The following TSHR variants were observed in gnomAD, a reference collection of about 807,000 sequenced individuals.
TSHR encodes the protein thyrotropin receptor.
A neutral mutation model predicts 64.1 loss-of-function variants in TSHR; 51 were observed. The observed-to-expected ratio is 0.80, with a 90% CI of 0.64 to 1.01. The LOEUF (loss-of-function observed/expected upper bound fraction) is 1.01, where lower values mean the gene tolerates loss of function less well. Among genes scored for constraint, TSHR ranks in the 50% least tolerant of loss-of-function variants. The pLI is 0.00. For missense variants in TSHR, 877 were observed against 942.8 expected, an observed-to-expected ratio of 0.93 and a Z score of 0.91; for synonymous variants, 361 against 361.9, an observed-to-expected ratio of 1.00 and a Z score of 0.03.
chr14:81,019,034 A>C (rs1376474873), intron 1 of TSHR, among the ~76,000 whole-genome samples: 1 of 152,220 alleles, frequency 6.6e-6, no homozygotes, highest in African/African-American at 2.4e-5. Flanking sequence ...AATGAAAAGA[A>C]AAAGGCACAT....
intron 3 of TSHR, among the ~76,000 whole-genome samples, chr14:81,087,257 A>G (rs1049975751): frequency 6.6e-6 from 1 of 152,174 alleles, no homozygotes; most frequent in Non-Finnish European, 1.5e-5. Flanking sequence ...CTTTTAGCCA[A>G]TCAACCTATG....
chr14:81,085,737 A>C (rs1888241050), intron 3 of TSHR, among the ~76,000 whole-genome samples: 1 of 152,054 alleles, frequency 6.6e-6, no homozygotes, highest in African/African-American at 2.4e-5. Context: ...CAGACTGCAA[A>C]CCCTGCTCAA....
At position 80,986,260 on chromosome 14, in the gene TSHR, G is replaced by A. The variant is rs140204721; in HGVS notation, c.170+30410G>A. On this transcript the variant is annotated intron_variant, in intron 1 of 9. Transcript: ENST00000298171. ...ATTATTCATTGCCCAGATATTTATT[G>A]TCTTGGGGACTATATTGGGTATTGA... 2.0e-3 allele frequency among the ~76,000 whole-genome samples: 305 copies of A among 152,224 alleles called. 1 individual carries two copies. The highest frequency in any genetic ancestry group is 6.8e-3 in the African/African-American group (284 of 41,538).
At chr14:81,048,475 G>A (rs1397024952) in intron 1 of TSHR, among the ~76,000 whole-genome samples, 3 of 152,006 alleles carry the variant, frequency 2.0e-5, no homozygotes, top group African/African-American at 7.3e-5. Context: ...TGTCTAAATG[G>A]TCTCAATCTG....
chr14:81,091,082 A>G lies in TSHR; in HGVS notation c.406A>G (p.Thr136Ala), dbSNP rs1888697548. The G allele has an allele frequency of 6.2e-7, 1 of 1,611,820 alleles. No individual in the cohort carries two copies. The highest frequency in any genetic ancestry group is 8.5e-7 in the Non-Finnish European group (1 of 1,179,774). ...TCATTAATTTAGTGGCATTTTCAAC[A>G]CTGGACTTAAAATGTTCCCTGACCT... ...PLLKFLGIFNTGLKMFPDLTK... is the reference protein window; with the variant it reads ...PLLKFLGIFNAGLKMFPDLTK... Residue 136 changes from threonine (T) to alanine (A), a missense_variant, in exon 5 of 10, where the codon ACT becomes GCT. Thr to Ala is a moderately conservative substitution (Grantham distance 58, BLOSUM62 0). Transcript: ENST00000298171.
chr14:81,138,897 A>T (rs1891566278), intron 8 of TSHR, among the ~76,000 whole-genome samples: 1 of 152,244 alleles, frequency 6.6e-6, no homozygotes, highest in African/African-American at 2.4e-5. Flanking sequence ...ATGGAGCAAG[A>T]CATGGAACCT....
intron 3 of TSHR, among the ~76,000 whole-genome samples, chr14:81,069,027 A>C (rs1886866761): frequency 6.6e-6 from 1 of 152,240 alleles, no homozygotes; most frequent in South Asian, 2.1e-4. Context: ...CATTATTTTA[A>C]GTAGCTATGT....
intron 1 of TSHR, among the ~76,000 whole-genome samples, chr14:80,978,974 C>A (rs962127826): frequency 6.6e-6 from 1 of 152,234 alleles, no homozygotes; most frequent in African/African-American, 2.4e-5. Flanking sequence ...GGTCTCTTTT[C>A]TGAGCACTAA....
intron 1 of TSHR, among the ~76,000 whole-genome samples, chr14:81,059,098 A>G (rs1199541575): frequency 2.0e-5 from 3 of 152,158 alleles, no homozygotes; most frequent in Non-Finnish European, 4.4e-5. Context: ...ACATATTACA[A>G]TAAATTTTCC....
At chr14:81,104,847 A>G in intron 7 of TSHR, 1 of 985,426 alleles carries the variant, frequency 1.0e-6, no homozygotes. Context: ...TTCTTCCAAC[A>G]GGTTCTCAAA....
chr14:81,094,768 C>T (rs1267742678), intron 6 of TSHR, among the ~76,000 whole-genome samples: 12 of 128,566 alleles, frequency 9.3e-5, no homozygotes, highest in African/African-American at 3.5e-4. Flanking sequence ...CTTACTGCAA[C>T]CTCCGCCTCC....
intron 1 of TSHR, chr14:81,032,512 A>G (rs1209969230): frequency 7.8e-6 from 3 of 382,210 alleles, no homozygotes; most frequent in Non-Finnish European, 1.6e-5. Context: ...TTAGATCAAC[A>G]AATTCAAGTT....
chr14:81,061,808 T>A, intron 1 of TSHR, among the ~76,000 whole-genome samples: 1 of 152,084 alleles, frequency 6.6e-6, no homozygotes, highest in East Asian at 1.9e-4. Context: ...AAAATAATCA[T>A]GTTTTTTCAA....
intron 4 of TSHR, 58 bp from the exon 5 acceptor site, chr14:81,091,011 G>A: frequency 6.4e-6 from 9 of 1,413,712 alleles, no homozygotes; most frequent in South Asian, 2.3e-5. Context: ...TCCTTCCTAT[G>A]TGTTGATTTT....
intron 1 of TSHR, among the ~76,000 whole-genome samples, chr14:80,968,611 G>C (rs951776069): frequency 2.0e-5 from 3 of 152,190 alleles, no homozygotes; most frequent in Non-Finnish European, 4.4e-5. Context: ...TTGATTGCCT[G>C]ATGGAAAGAC....
At chr14:81,112,661 G>T (rs531969924) in intron 8 of TSHR, among the ~76,000 whole-genome samples, 3 of 152,268 alleles carry the variant, frequency 2.0e-5, no homozygotes, top group Non-Finnish European at 2.9e-5. Context: ...CTAAGCTTGG[G>T]ATTCTTCACT....
At chr14:81,020,572 A>G (rs1883696510) in intron 1 of TSHR, among the ~76,000 whole-genome samples, 1 of 152,222 alleles carries the variant, frequency 6.6e-6, no homozygotes, top group South Asian at 2.1e-4. Flanking sequence ...CAGCGATGCT[A>G]GCACTCAGCA....
chr14:81,093,422 AG>A (rs1888911896), intron 6 of TSHR, among the ~76,000 whole-genome samples: 2 of 152,230 alleles, frequency 1.3e-5, no homozygotes, highest in African/African-American at 4.8e-5. Context: ...GTAGAGTTGG[AG>A]CTACCTCTGC....
intron 3 of TSHR, among the ~76,000 whole-genome samples, chr14:81,083,468 T>TAA (rs10604790): frequency 2.1e-5 from 3 of 144,634 alleles, no homozygotes; most frequent in African/African-American, 7.4e-5. Flanking sequence ...AAACCTCATT[T>TAA]AAAAAAAAAA....
Sources: allele counts gnomAD v4.1 joint callset (sites outside exome capture counted in the v4.1 genomes callset), GRCh38; gene constraint gnomAD v4.1.1; transcripts MANE v1.5; gene names NCBI Gene and HGNC (gene_info 2026-07-23, HGNC 2026-07-21).